COL23A1: variants seen among roughly 807,000 people sequenced by gnomAD.
COL23A1 encodes the protein collagen alpha-1(XXIII) chain.
Under a neutral mutation model 99.3 loss-of-function variants are expected in COL23A1, and 97 were observed. That is an observed-to-expected ratio of 0.98 (90% CI 0.83 to 1.16). The LOEUF (loss-of-function observed/expected upper bound fraction) is 1.16. Among genes scored for constraint, COL23A1 ranks in the 50% most tolerant of loss-of-function variants. The pLI is 0.00. For synonymous variants in COL23A1, 320 were observed against 308.2 expected (o/e 1.04, Z -0.40); for missense variants, 762 against 757.4 (o/e 1.01, Z -0.07).
rs1034404323 is a variant in COL23A1, at chr5:178,366,909, C to T, written c.362-59990G>A. On this transcript the variant is annotated intron_variant, in intron 2 of 28. Coordinates refer to ENST00000390654, the MANE Select transcript of COL23A1 (RefSeq NM_173465.4). The surrounding 1 kb of genome is among the most constrained non-coding windows in gnomAD (Gnocchi z 4.4). Reference sequence around the variant, plus strand: ...TGGCATGAGTGGCTGGCTTGCTCGCCTTCCTGGCCACACCAGATGGGCTGT... The same window carrying T: ...TGGCATGAGTGGCTGGCTTGCTCGCTTTCCTGGCCACACCAGATGGGCTGT... 2.6e-5 allele frequency among the ~76,000 whole-genome samples: 4 copies of T among 152,210 alleles called. No homozygotes were observed. Among genetic ancestry groups the T allele is most frequent in the African/African-American group, 9.7e-5 (4 of 41,436 alleles).
rs139549314 is a variant in COL23A1 at position 178,367,538 on chromosome 5, A to G, written c.362-60619T>C. On this transcript the variant is annotated intron_variant, in intron 2 of 28. Coordinates refer to ENST00000390654, the MANE Select transcript of COL23A1 (RefSeq NM_173465.4). ...AACATCTGGCCTCACCACCGTGTTGAATGGAGGAGACCCTAGGTGAACACT... is the reference window on the plus strand; with the variant it reads ...AACATCTGGCCTCACCACCGTGTTGGATGGAGGAGACCCTAGGTGAACACT... Among the ~76,000 whole-genome samples the G allele has an allele frequency of 1.4e-3, 216 of 152,162 alleles. 4 individuals carry two copies. The South Asian group carries it at 0.032, about 22-fold the overall frequency.
At position 178,528,250 on chromosome 5, in the gene COL23A1, C is replaced by T. The variant is rs1055898853; in HGVS notation, c.361+32432G>A. Among the ~76,000 whole-genome samples the T allele has an allele frequency of 4.6e-5, 7 of 152,184 alleles. No individual in the cohort carries two copies. In the East Asian group the frequency reaches 1.3e-3, roughly 29 times the overall value. ...TCATTAAAGCTCTTCCTCACCTAAG[C>T]CCACTCACGATCACTCATTCACCCT... On this transcript the variant is annotated intron_variant, in intron 2 of 28. Coordinates refer to ENST00000390654, the MANE Select transcript of COL23A1 (RefSeq NM_173465.4).
In COL23A1 at chr5:178,252,541, G is replaced by A; in HGVS notation, c.1014+3C>T. On this transcript the variant is annotated splice_donor_region_variant and intron_variant, in intron 17 of 28. Transcript: ENST00000390654. The stretch of plus-strand genomic sequence containing the variant: ...GGGACCACATAGCTGCATCTGCACT[G>A]ACCTTGGCTCCAGGGATCCCTGGTG... The A allele has an allele frequency of 6.2e-7, 1 of 1,611,350 alleles. No individual in the cohort carries two copies. The highest frequency in any genetic ancestry group is 8.5e-7 in the Non-Finnish European group (1 of 1,178,902).
chr5:178,348,025 CCT>C (rs1422816598), intron 2 of COL23A1, among the ~76,000 whole-genome samples: 1 of 152,130 alleles, frequency 6.6e-6, no homozygotes, highest in African/African-American at 2.4e-5. Context: ...ATCATCCTCC[CCT>C]GTCCTGGATT....
intron 3 of COL23A1, among the ~76,000 whole-genome samples, chr5:178,298,095 T>C (rs1470512697): frequency 1.3e-5 from 2 of 151,654 alleles, no homozygotes; most frequent in Non-Finnish European, 2.9e-5. Context: ...GTTCCAAGCA[T>C]AGGATGGTTC....
intron 12 of COL23A1, among the ~76,000 whole-genome samples, chr5:178,258,247 A>ATG (rs1765422278): frequency 1.1e-5 from 1 of 95,130 alleles, no homozygotes; most frequent in Non-Finnish European, 2.2e-5. Context: ...ATATATATAT[A>ATG]TATATATATA....
chr5:178,245,928 G>A lies in COL23A1; in HGVS notation c.1440+14C>T. 1 of 1,614,028 alleles carries A rather than the reference G, an allele frequency of 6.2e-7. No individual in the cohort carries two copies. Among genetic ancestry groups the A allele is most frequent in the Non-Finnish European group, 8.5e-7 (1 of 1,179,906 alleles). ...GAGGCACCCAATTACTCAAAGTGAT[G>A]ATAAGACACTTACATCTAGTCCTGG... is the stretch of plus-strand genomic sequence containing the variant. On this transcript the variant is annotated intron_variant, in intron 25 of 28. Coordinates refer to ENST00000390654, the MANE Select transcript of COL23A1 (RefSeq NM_173465.4).
intron 1 of COL23A1, among the ~76,000 whole-genome samples, chr5:178,583,465 G>A (rs865998498): frequency 2.6e-5 from 4 of 152,200 alleles, no homozygotes; most frequent in African/African-American, 9.7e-5. Flanking sequence ...TAGAGCTCCA[G>A]TGGGGTTGAT....
In COL23A1 at chr5:178,362,849, C is replaced by A. The variant is rs1261764155; in HGVS notation, c.362-55930G>T. Among the ~76,000 whole-genome samples, 6 of 151,930 alleles carry A rather than the reference C, an allele frequency of 3.9e-5. No individual in the cohort carries two copies. In the East Asian group the frequency reaches 9.7e-4, roughly 24 times the overall value. On this transcript the variant is annotated intron_variant, in intron 2 of 28. Coordinates refer to ENST00000390654, the MANE Select transcript of COL23A1 (RefSeq NM_173465.4). The stretch of plus-strand genomic sequence containing the variant: ...CCAGCCCATGGCACAGCCCAGCAGC[C>A]CGACCCACCCTACAGAAGCCAAATC...
Position 178,358,367 on chromosome 5 carries a change from TACGTGTGTATGTCTA to T in COL23A1, c.362-51463_362-51449del, listed in dbSNP as rs1357423676. On this transcript the variant is annotated intron_variant, in intron 2 of 28. Coordinates refer to ENST00000390654, the MANE Select transcript of COL23A1 (RefSeq NM_173465.4). ...TGTGTATTGTGTGTATGTGTATGTG[TACGTGTGTATGTCTA>T]ATGTGTGTATGTGTATGTGTATGTG... is the stretch of plus-strand genomic sequence containing the variant. Among the ~76,000 whole-genome samples, 46 of 151,660 alleles carry T rather than the reference TACGTGTGTATGTCTA, an allele frequency of 3.0e-4. 1 individual carries two copies. The highest frequency in any genetic ancestry group is 8.7e-4 in the African/African-American group (36 of 41,350).
intron 2 of COL23A1, among the ~76,000 whole-genome samples, chr5:178,373,743 G>T (rs1193434071): frequency 6.6e-6 from 1 of 152,184 alleles, no homozygotes; most frequent in Non-Finnish European, 1.5e-5. Context: ...CTGAAGAGAT[G>T]AATCTGGACA....
chr5:178,379,753 T>C (rs1334597552), intron 2 of COL23A1, among the ~76,000 whole-genome samples: 3 of 151,862 alleles, frequency 2.0e-5, no homozygotes, highest in Non-Finnish European at 2.9e-5. Flanking sequence ...TAGTGGTGCA[T>C]GCCTGTAATC....
intron 2 of COL23A1, among the ~76,000 whole-genome samples, chr5:178,483,475 C>T (rs1757448400): frequency 6.6e-6 from 1 of 152,124 alleles, no homozygotes; most frequent in African/African-American, 2.4e-5. Context: ...TCTTCCCCTT[C>T]TCCTGGCTTT....
intron 2 of COL23A1, among the ~76,000 whole-genome samples, chr5:178,437,692 G>A (rs1236067891): frequency 4.6e-5 from 7 of 152,302 alleles, no homozygotes; most frequent in Middle Eastern, 3.4e-3. Context: ...TCATGGCCCC[G>A]TACTCCCCTA....
intron 2 of COL23A1, among the ~76,000 whole-genome samples, chr5:178,382,916 C>T (rs948833274): frequency 2.0e-5 from 3 of 152,100 alleles, no homozygotes; most frequent in Admixed American, 6.5e-5. Flanking sequence ...CAGGTGGCAA[C>T]CAGGGGGTGG....
intron 2 of COL23A1, among the ~76,000 whole-genome samples, chr5:178,482,191 G>A (rs1757377361): frequency 6.6e-6 from 1 of 152,006 alleles, no homozygotes; most frequent in African/African-American, 2.4e-5. Context: ...ACAGCCAAAA[G>A]GTTAACAACC....
intron 2 of COL23A1, among the ~76,000 whole-genome samples, chr5:178,356,001 T>C (rs1437202560): frequency 6.6e-6 from 1 of 152,228 alleles, no homozygotes; most frequent in Non-Finnish European, 1.5e-5. Flanking sequence ...AGATTTCTAT[T>C]TCCTGATATG....
intron 2 of COL23A1, among the ~76,000 whole-genome samples, chr5:178,430,875 A>G (rs543181930): frequency 1.3e-5 from 2 of 152,100 alleles, no homozygotes; most frequent in South Asian, 4.2e-4. Context: ...GTGAGTCCCT[A>G]CCTGGGAGTC....
At chr5:178,328,914 A>G (rs1216361428) in intron 2 of COL23A1, among the ~76,000 whole-genome samples, 9 of 152,298 alleles carry the variant, frequency 5.9e-5, no homozygotes, top group Non-Finnish European at 1.3e-4. Context: ...CAGCAACAAT[A>G]AGAATGCTGA....
Sources: gnomAD v4.1 joint callset for allele counts (sites outside exome capture counted in the v4.1 genomes callset) on GRCh38, gnomAD v4.1.1 for gene constraint, Gnocchi (gnomAD v3.1) non-coding constraint, MANE v1.5 for transcripts, NCBI Gene and HGNC (gene_info 2026-07-23, HGNC 2026-07-21) for gene names.